The following OSBPL5 variants were observed in gnomAD, a reference collection of about 807,000 sequenced individuals.
OSBPL5 encodes the protein oxysterol-binding protein-related protein 5.
A neutral mutation model predicts 111.2 loss-of-function variants in OSBPL5; 71 were observed. That is an observed-to-expected ratio of 0.64 (90% CI 0.53 to 0.78). OSBPL5 has a LOEUF of 0.78. OSBPL5 is among the 30% of genes least tolerant of loss of function. The pLI is 0.00. For synonymous variants in OSBPL5, 549 were observed against 513.9 expected (o/e 1.07, Z -0.93); for missense variants, 1,210 against 1,189.3 (o/e 1.02, Z -0.26).
chr11:3,143,854 T>C (rs1846236165), intron 1 of OSBPL5, among the ~76,000 whole-genome samples: 1 of 152,184 alleles, frequency 6.6e-6, no homozygotes, highest in Non-Finnish European at 1.5e-5. Context: ...GCCGTGGTCA[T>C]AGCTGAGCAG....
At chr11:3,139,625 A>T (rs1472283385) in intron 1 of OSBPL5, among the ~76,000 whole-genome samples, 1 of 152,080 alleles carries the variant, frequency 6.6e-6, no homozygotes, top group Non-Finnish European at 1.5e-5. Flanking sequence ...TGGCCTCTGG[A>T]CAAGCCCCCG....
chr11:3,115,592 T>C (rs1314293721), intron 7 of OSBPL5, among the ~76,000 whole-genome samples: 1 of 152,158 alleles, frequency 6.6e-6, no homozygotes, highest in African/African-American at 2.4e-5. Flanking sequence ...CTTTGAGAGA[T>C]AAAGTAAGTT....
At chr11:3,103,197 C>G (rs374345451) in intron 11 of OSBPL5, 42 bp downstream of exon 11, 1 of 1,541,188 alleles carries the variant, frequency 6.5e-7, no homozygotes, top group Non-Finnish European at 8.8e-7. Flanking sequence ...CAGACAGACT[C>G]CTGGGCCGGA....
chr11:3,099,821 C>T (rs181810775), intron 14 of OSBPL5, among the ~76,000 whole-genome samples: 30 of 152,250 alleles, frequency 2.0e-4, no homozygotes, highest in Non-Finnish European at 1.0e-4. Context: ...GTAATCCCAG[C>T]ACTTTGGGAG....
intron 1 of OSBPL5, among the ~76,000 whole-genome samples, chr11:3,164,999 T>A (rs1227816412): frequency 6.8e-6 from 1 of 146,576 alleles, no homozygotes; most frequent in African/African-American, 2.6e-5. Context: ...GCTCCCGCGC[T>A]CCCCAGCTCC....
rs767891930 is a variant in OSBPL5, at chr11:3,092,823, GCCCAGCCCCA to G, written c.2132+34_2132+43del. On this transcript the variant is annotated intron_variant, in intron 18 of 21. Transcript: ENST00000263650. The surrounding 1 kb of genome is among the most constrained non-coding windows in gnomAD (Gnocchi z 5.4). ...GGGCCCTTCTCAGCCCGTCTGCTAG[GCCCAGCCCCA>G]CCCTGTGGCCCCCAGGGCTTTGTCG... 9.4e-6 allele frequency: 14 copies of G among 1,489,478 alleles called. No individual in the cohort carries two copies. In the African/African-American group the frequency reaches 1.5e-4, roughly 16 times the overall value. The allele number at this position is 1,489,478 out of a possible 1,614,324, so 92.3% of individuals were successfully genotyped here.
At chr11:3,151,534 C>G (rs1846585406) in intron 1 of OSBPL5, among the ~76,000 whole-genome samples, 1 of 152,246 alleles carries the variant, frequency 6.6e-6, no homozygotes, top group Non-Finnish European at 1.5e-5. Flanking sequence ...TCCCCATGTG[C>G]TGGGGGTGCA....
At chr11:3,088,454 A>T in intron 21 of OSBPL5, 111 bp from the exon 22 acceptor site, 1 of 1,239,004 alleles carries the variant, frequency 8.1e-7, no homozygotes, top group Non-Finnish European at 1.0e-6. Context: ...CACAGGGCCG[A>T]GGTGGAGATG....
intron 2 of OSBPL5, among the ~76,000 whole-genome samples, chr11:3,127,661 A>G (rs543275001): frequency 7.9e-5 from 12 of 152,294 alleles, no homozygotes; most frequent in African/African-American, 2.9e-4. Flanking sequence ...ACTTTCTCAT[A>G]TAGTTCTAGG....
chr11:3,111,521 G>A (rs1044894350), intron 7 of OSBPL5, among the ~76,000 whole-genome samples: 4 of 152,240 alleles, frequency 2.6e-5, no homozygotes, highest in East Asian at 1.9e-4. Context: ...TAAGTTGTGC[G>A]ATTGTTTGTT....
At chr11:3,153,067 G>A (rs2134546862) in intron 1 of OSBPL5, among the ~76,000 whole-genome samples, 1 of 152,212 alleles carries the variant, frequency 6.6e-6, no homozygotes, top group Admixed American at 6.5e-5. Context: ...AGCCCACAGA[G>A]TGCAACATCC....
rs1230373198 is a variant in OSBPL5, at chr11:3,103,848, T to TTCCAGCCTCTGCAGCCCTC, written c.1244+344_1244+345insGAGGGCTGCAGAGGCTGGA. Among the ~76,000 whole-genome samples the TTCCAGCCTCTGCAGCCCTC allele has an allele frequency of 2.2e-4, 12 of 55,190 alleles. 1 individual carries two copies. Among genetic ancestry groups the TTCCAGCCTCTGCAGCCCTC allele is most frequent in the Admixed American group, 3.9e-4 (2 of 5,068 alleles). The allele number at this position is 55,190 out of a possible 152,430, so 36.2% of individuals were successfully genotyped here. ...GCCCCCTTCCAGCCTCTGCAGCCCCTTTCCAGTCTGCGCAGCCCCCTTCCT... is the reference window on the plus strand; with the variant it reads ...GCCCCCTTCCAGCCTCTGCAGCCCCTTCCAGCCTCTGCAGCCCTCTTCCAGTCTGCGCAGCCCCCTTCCT... On this transcript the variant is annotated intron_variant, in intron 10 of 21. Transcript: ENST00000263650.
At chr11:3,135,401 G>C (rs903305495) in intron 1 of OSBPL5, among the ~76,000 whole-genome samples, 8 of 152,218 alleles carry the variant, frequency 5.3e-5, no homozygotes, top group African/African-American at 1.9e-4. Flanking sequence ...GAACGTTCTG[G>C]AGGGCCAGAG....
In OSBPL5 at chr11:3,088,293, G is replaced by A; in HGVS notation, c.2552C>T (p.Thr851Ile). ...TCGGGGGCTCTGCAGGAGGCCTGGG[G>A]TCGGTGCCTGTGCTGCCCGTGCCGT... ...SSTARAAQAPTPGLLQSPRSW... is the reference protein window; with the variant it reads ...SSTARAAQAPIPGLLQSPRSW... Residue 851 changes from threonine (T) to isoleucine (I), a missense_variant, in exon 22 of 22, where the codon ACC (threonine) becomes ATC (isoleucine). Transcript: ENST00000263650. 6.2e-7 allele frequency: 1 copy of A among 1,606,832 alleles called. No homozygotes were observed. The highest frequency in any genetic ancestry group is 8.5e-7 in the Non-Finnish European group (1 of 1,177,274).
At chr11:3,114,516 A>G (rs1014601167) in intron 7 of OSBPL5, among the ~76,000 whole-genome samples, 2 of 151,388 alleles carry the variant, frequency 1.3e-5, no homozygotes, top group African/African-American at 4.9e-5. Context: ...CTAAAGGGAA[A>G]TTATAATGGT....
intron 1 of OSBPL5, among the ~76,000 whole-genome samples, chr11:3,155,032 G>A (rs1846711569): frequency 6.6e-6 from 1 of 152,198 alleles, no homozygotes; most frequent in Non-Finnish European, 1.5e-5. Context: ...GGCACACAGA[G>A]GGATGACCCT....
intron 7 of OSBPL5, among the ~76,000 whole-genome samples, chr11:3,115,873 C>CTTT (rs369499437): frequency 0.29 from 41,033 of 143,840 alleles, 6,237 homozygotes; most frequent in African/African-American, 0.4. Context: ...AGGCTTTTGC[C>CTTT]TTTTTTTTTT....
In OSBPL5 at chr11:3,110,868, A is replaced by C. The variant is rs1786025042; in HGVS notation, c.692-2923T>G. Among the ~76,000 whole-genome samples the C allele has an allele frequency of 6.6e-6, 1 of 152,018 alleles. No homozygotes were observed. The highest frequency in any genetic ancestry group is 1.5e-5 in the Non-Finnish European group (1 of 68,002). On this transcript the variant is annotated intron_variant, in intron 7 of 21. Transcript: ENST00000263650. The surrounding 1 kb of genome is among the most constrained non-coding windows in gnomAD (Gnocchi z 5.3). ...AATGTCTCATGTCTCCCTAAAACCA[A>C]ACTGTGCTCTGACCACCCTGGGCAC...
chr11:3,139,119 C>G (rs1335720776), intron 1 of OSBPL5, among the ~76,000 whole-genome samples: 1 of 152,228 alleles, frequency 6.6e-6, no homozygotes, highest in Admixed American at 6.5e-5. Context: ...CAGCCTCAGT[C>G]TCCCCCACTG....
Sources: gnomAD v4.1 joint callset for allele counts (sites outside exome capture counted in the v4.1 genomes callset) on GRCh38, gnomAD v4.1.1 for gene constraint, Gnocchi (gnomAD v3.1) non-coding constraint, MANE v1.5 for transcripts, NCBI Gene and HGNC (gene_info 2026-07-23, HGNC 2026-07-21) for gene names.